SLC13A3: variants seen among roughly 807,000 people sequenced by gnomAD.
The protein encoded by SLC13A3 is solute carrier family 13 member 3.
SLC13A3 carries 40 observed loss-of-function variants against 59.0 expected under a neutral mutation model. The ratio of observed to expected loss-of-function variants is 0.68; its 90% CI spans 0.53 to 0.88. The LOEUF (loss-of-function observed/expected upper bound fraction) is 0.88. Ranked by LOEUF, SLC13A3 falls within the 40% of genes least tolerant of loss-of-function variation. SLC13A3 has a pLI of 0.00. For missense variants in SLC13A3, 699 were observed against 783.2 expected, an observed-to-expected ratio of 0.89 and a Z score of 1.28; for synonymous variants, 317 against 330.3, an observed-to-expected ratio of 0.96 and a Z score of 0.44.
chr20:46,641,190 G>A (rs141182856), intron 1 of SLC13A3, among the ~76,000 whole-genome samples: 127 of 152,244 alleles, frequency 8.3e-4, no homozygotes, highest in East Asian at 7.7e-3. Context: ...CTGCTCAAAC[G>A]TTACGCAAAC....
chr20:46,663,704 C>T (rs2063045659), intron 1 of SLC13A3, among the ~76,000 whole-genome samples: 2 of 152,094 alleles, frequency 1.3e-5, no homozygotes, highest in Non-Finnish European at 2.9e-5. Context: ...TCCCATTTTG[C>T]AGAGGAGGAA....
At chr20:46,562,846 G>A (rs1470838637) in intron 12 of SLC13A3, among the ~76,000 whole-genome samples, 1 of 152,136 alleles carries the variant, frequency 6.6e-6, no homozygotes, top group East Asian at 1.9e-4. Context: ...GGCCTGCATC[G>A]CGATTGGTTA....
intron 6 of SLC13A3, among the ~76,000 whole-genome samples, chr20:46,591,384 C>T (rs889401639): frequency 3.9e-5 from 6 of 152,194 alleles, no homozygotes; most frequent in South Asian, 4.2e-4. Flanking sequence ...TACCTCTTAG[C>T]GCTGTTTTGA....
At chr20:46,629,794 T>C (rs1276421402) in intron 1 of SLC13A3, among the ~76,000 whole-genome samples, 1 of 152,230 alleles carries the variant, frequency 6.6e-6, no homozygotes, top group East Asian at 1.9e-4. Flanking sequence ...TTTTGAGATT[T>C]GTTGTAGGCA....
At position 46,640,693 on chromosome 20, in the gene SLC13A3, C is replaced by T. The variant is rs1480620651; in HGVS notation, c.111+10618G>A. On this transcript the variant is annotated intron_variant, in intron 1 of 12. Transcript: ENST00000279027. ...CGGGAAGTGGTGTGACCTCATGTGGCTCTTCCCAAGTCCCCAGTGCATCTC... is the reference window on the plus strand; with the variant it reads ...CGGGAAGTGGTGTGACCTCATGTGGTTCTTCCCAAGTCCCCAGTGCATCTC... 3.3e-5 allele frequency among the ~76,000 whole-genome samples: 5 copies of T among 152,192 alleles called. No individual in the cohort carries two copies. In the East Asian group the frequency reaches 7.7e-4, roughly 23 times the overall value.
Position 46,618,852 on chromosome 20 carries a change from C to T in SLC13A3, c.112-5127G>A, listed in dbSNP as rs559353117. 9.2e-5 allele frequency among the ~76,000 whole-genome samples: 14 copies of T among 152,322 alleles called. No individual in the cohort carries two copies. In the East Asian group the frequency reaches 9.6e-4, roughly 10 times the overall value. On this transcript the variant is annotated intron_variant, in intron 1 of 12. Transcript: ENST00000279027. The stretch of plus-strand genomic sequence containing the variant: ...CACCAGTGACGTCTTCAGATTTCTC[C>T]GGTTTCAGAAGCACACTTGGCCAAG...
chr20:46,676,260 A>C (rs1165490917), intron 1 of SLC13A3, among the ~76,000 whole-genome samples: 1 of 151,922 alleles, frequency 6.6e-6, no homozygotes, highest in African/African-American at 2.4e-5. Flanking sequence ...CCATATAAAC[A>C]TGCCTGCAGT....
chr20:46,569,819 C>T (rs2062014468), intron 10 of SLC13A3, among the ~76,000 whole-genome samples: 1 of 152,148 alleles, frequency 6.6e-6, no homozygotes, highest in African/African-American at 2.4e-5. Context: ...CCCTCTTCCT[C>T]CTGTTTTCTT....
At chr20:46,575,433 T>C (rs2062065381) in intron 10 of SLC13A3, 140 bp downstream of exon 10, 2 of 503,592 alleles carry the variant, frequency 4.0e-6, no homozygotes, top group African/African-American at 3.9e-5. Flanking sequence ...TCATCTCAGT[T>C]TGGCAAGTGA....
At chr20:46,601,580 G>A (rs999824092) in intron 3 of SLC13A3, among the ~76,000 whole-genome samples, 6 of 152,158 alleles carry the variant, frequency 3.9e-5, no homozygotes, top group Admixed American at 6.5e-5. Flanking sequence ...GACCACACAC[G>A]ACTAAGTAAT....
intron 1 of SLC13A3, among the ~76,000 whole-genome samples, chr20:46,638,596 C>T (rs2122844896): frequency 6.6e-6 from 1 of 152,314 alleles, no homozygotes; most frequent in Non-Finnish European, 1.5e-5. Flanking sequence ...CTGGAATGCC[C>T]TGCATTTCCA....
upstream of SLC13A3, among the ~76,000 whole-genome samples, chr20:46,670,444 G>C (rs1345268799): frequency 6.6e-6 from 1 of 152,156 alleles, no homozygotes; most frequent in African/African-American, 2.4e-5. Flanking sequence ...CTCTGGGCTT[G>C]GCCATGTAAC....
At chr20:46,677,131 C>A (rs1356559977) in intron 1 of SLC13A3, among the ~76,000 whole-genome samples, 1 of 152,238 alleles carries the variant, frequency 6.6e-6, no homozygotes, top group African/African-American at 2.4e-5. Context: ...CCAGACTGGA[C>A]TTGAACTCCT....
At chr20:46,590,063 A>C (rs1054901221) in intron 6 of SLC13A3, among the ~76,000 whole-genome samples, 1 of 152,232 alleles carries the variant, frequency 6.6e-6, no homozygotes, top group Non-Finnish European at 1.5e-5. Context: ...AAGATAGATA[A>C]ATTTGACTTC....
chr20:46,662,800 T>C (rs1368236818), intron 1 of SLC13A3, among the ~76,000 whole-genome samples: 1 of 152,248 alleles, frequency 6.6e-6, no homozygotes, highest in Non-Finnish European at 1.5e-5. Context: ...ATTTTTTCTT[T>C]GTTGTTGTAT....
At chr20:46,613,827 G>T in intron 1 of SLC13A3, 102 bp from the exon 2 acceptor site, 1 of 1,079,178 alleles carries the variant, frequency 9.3e-7, no homozygotes, top group Non-Finnish European at 1.3e-6. Context: ...CTGGGCTGGG[G>T]GCAGAGGGGG....
chr20:46,654,848 A>G (rs1224647874), upstream of SLC13A3, among the ~76,000 whole-genome samples: 2 of 152,176 alleles, frequency 1.3e-5, no homozygotes, highest in African/African-American at 2.4e-5. Context: ...TCCTTTAATC[A>G]TTCTTTGAGA....
chr20:46,633,457 G>A (rs1396875456), intron 1 of SLC13A3, among the ~76,000 whole-genome samples: 3 of 152,172 alleles, frequency 2.0e-5, no homozygotes, highest in African/African-American at 4.8e-5. Context: ...GTCTCCATCC[G>A]TAATTTCGGA....
At chr20:46,643,422 A>G (rs531148526) in intron 1 of SLC13A3, among the ~76,000 whole-genome samples, 55 of 152,284 alleles carry the variant, frequency 3.6e-4, no homozygotes, top group Non-Finnish European at 7.4e-4. Flanking sequence ...AGACTTGCGG[A>G]CATCTGGGAG....
Sources: allele counts gnomAD v4.1 joint callset (sites outside exome capture counted in the v4.1 genomes callset), GRCh38; gene constraint gnomAD v4.1.1; transcripts MANE v1.5; gene names NCBI Gene and HGNC (gene_info 2026-07-23, HGNC 2026-07-21).